Variants in PACRG observed in about 807,000 individuals in gnomAD.
PACRG encodes the protein parkin coregulated gene protein.
A neutral mutation model predicts 29.7 loss-of-function variants in PACRG; 29 were observed. The observed-to-expected ratio is 0.98, with a 90% CI of 0.73 to 1.33. The LOEUF (loss-of-function observed/expected upper bound fraction) is 1.33, where lower values mean the gene tolerates loss of function less well. PACRG is among the 40% of genes most tolerant of loss of function. The pLI is 0.00. For synonymous variants in PACRG, 116 were observed against 118.7 expected (o/e 0.98, Z 0.15); for missense variants, 279 against 316.2 (o/e 0.88, Z 0.89).
chr6:163,104,427 G>C (rs1158057089), intron 4 of PACRG, among the ~76,000 whole-genome samples: 1 of 152,154 alleles, frequency 6.6e-6, no homozygotes, highest in Non-Finnish European at 1.5e-5. Context: ...GAATAGCTCA[G>C]ACTGGGTAAT....
At chr6:163,242,536 C>A (rs886896441) in intron 4 of PACRG, among the ~76,000 whole-genome samples, 2 of 151,986 alleles carry the variant, frequency 1.3e-5, no homozygotes, top group African/African-American at 4.8e-5. Context: ...AATAAAAGAG[C>A]CAAAAAGTGA....
chr6:162,893,838 A>G (rs770870523), intron 2 of PACRG, among the ~76,000 whole-genome samples: 2 of 152,176 alleles, frequency 1.3e-5, no homozygotes, highest in Admixed American at 1.3e-4. Flanking sequence ...TGAAGTAATC[A>G]ATGGTATTGC....
chr6:163,277,502 TACAC>T (rs149681578), intron 4 of PACRG, among the ~76,000 whole-genome samples: 6 of 144,340 alleles, frequency 4.2e-5, no homozygotes, highest in African/African-American at 7.7e-5. Flanking sequence ...TATACACACA[TACAC>T]ACACACACAC....
chr6:162,785,817 C>G (rs1322106708), intron 1 of PACRG, among the ~76,000 whole-genome samples: 1 of 152,158 alleles, frequency 6.6e-6, no homozygotes. Flanking sequence ...TCCTAGCAGG[C>G]CACGGACCAC....
intron 2 of PACRG, among the ~76,000 whole-genome samples, chr6:162,929,347 C>A (rs1461740246): frequency 6.6e-6 from 1 of 151,844 alleles, no homozygotes; most frequent in Non-Finnish European, 1.5e-5. Context: ...ATTTGCATTT[C>A]TCTGATTATA....
rs535727235 is a variant in PACRG at position 163,277,494 on chromosome 6, T to TATATAC, written c.614-37332_614-37331insTATACA. On this transcript the variant is annotated intron_variant, in intron 4 of 4. Transcript: ENST00000366888. Reference sequence around the variant, plus strand: ...GTGTGTGTATGTGTGTATATATATATACACACATACACACACACACACATA... The same window carrying TATATAC: ...GTGTGTGTATGTGTGTATATATATATATATACACACACATACACACACACACACATA... Among the ~76,000 whole-genome samples, 303 of 73,444 alleles carry TATATAC rather than the reference T, an allele frequency of 4.1e-3. 1 individual carries two copies. The highest frequency in any genetic ancestry group is 0.016 in the African/African-American group (265 of 16,226). 48.2% of individuals were successfully genotyped at this position (73,444 alleles called of 152,430 possible). A position where few individuals can be genotyped will look rare whatever the true frequency, so the allele number is the denominator to read the frequency against.
At chr6:162,988,036 G>A (rs576947281) in intron 2 of PACRG, among the ~76,000 whole-genome samples, 52 of 152,286 alleles carry the variant, frequency 3.4e-4, no homozygotes, top group Middle Eastern at 3.4e-3. Flanking sequence ...TTTTGCACCC[G>A]TCTCATGGAA....
chr6:162,879,402 A>G (rs1007498834), intron 2 of PACRG, among the ~76,000 whole-genome samples: 10 of 152,292 alleles, frequency 6.6e-5, no homozygotes, highest in East Asian at 1.9e-4. Context: ...CATTGCCACC[A>G]TGTGATTTTT....
At chr6:162,810,668 G>A (rs1184661423) in intron 1 of PACRG, among the ~76,000 whole-genome samples, 1 of 152,064 alleles carries the variant, frequency 6.6e-6, no homozygotes, top group African/African-American at 2.4e-5. Flanking sequence ...AGCATATTTG[G>A]GCTCAACAGC....
intron 4 of PACRG, among the ~76,000 whole-genome samples, chr6:163,302,158 A>G (rs1043848164): frequency 2.6e-5 from 4 of 151,954 alleles, no homozygotes; most frequent in Admixed American, 6.6e-5. Context: ...TGCAAACCCA[A>G]TTTTGCTGCT....
intron 1 of PACRG, among the ~76,000 whole-genome samples, chr6:162,767,573 T>C (rs897064765): frequency 1.3e-5 from 2 of 151,766 alleles, no homozygotes; most frequent in African/African-American, 4.8e-5. Context: ...GTCTTAAAAA[T>C]AGAAAATAAG....
At chr6:162,910,004 G>A (rs1451565177) in intron 2 of PACRG, among the ~76,000 whole-genome samples, 1 of 152,184 alleles carries the variant, frequency 6.6e-6, no homozygotes, top group Non-Finnish European at 1.5e-5. Flanking sequence ...GTAAGCTTTA[G>A]AGCTAGAATG....
At chr6:162,997,739 A>T (rs1270579670) in intron 2 of PACRG, among the ~76,000 whole-genome samples, 1 of 152,214 alleles carries the variant, frequency 6.6e-6, no homozygotes, top group Non-Finnish European at 1.5e-5. Context: ...CCAATACTTG[A>T]CATTGTCAGA....
intron 2 of PACRG, among the ~76,000 whole-genome samples, chr6:163,033,833 A>G (rs1047475041): frequency 6.6e-6 from 1 of 152,190 alleles, no homozygotes; most frequent in Non-Finnish European, 1.5e-5. Context: ...AGGGACCTGT[A>G]GCAAAGTTTA....
intron 4 of PACRG, among the ~76,000 whole-genome samples, chr6:163,308,799 GC>G (rs1361689249): frequency 6.6e-6 from 1 of 152,162 alleles, no homozygotes; most frequent in Admixed American, 6.5e-5. Flanking sequence ...CCTGAGCCAG[GC>G]CGCCAGGGCT....
chr6:162,909,840 G>C (rs1796187871), intron 2 of PACRG, among the ~76,000 whole-genome samples: 1 of 152,190 alleles, frequency 6.6e-6, no homozygotes, highest in African/African-American at 2.4e-5. Context: ...ACATGATGGG[G>C]ATTGAATGAA....
At chr6:163,021,799 G>A (rs1395751310) in intron 2 of PACRG, among the ~76,000 whole-genome samples, 2 of 152,152 alleles carry the variant, frequency 1.3e-5, no homozygotes, top group African/African-American at 4.8e-5. Flanking sequence ...CCCTGCCTTT[G>A]CCTGGGATGC....
At chr6:163,116,904 G>C (rs1816024707) in intron 4 of PACRG, among the ~76,000 whole-genome samples, 1 of 152,132 alleles carries the variant, frequency 6.6e-6, no homozygotes, top group South Asian at 2.1e-4. Flanking sequence ...TCCTGGACGT[G>C]GTGAGTCGGA....
intron 3 of PACRG, among the ~76,000 whole-genome samples, chr6:163,083,518 G>A (rs1813268444): frequency 6.6e-6 from 1 of 152,152 alleles, no homozygotes; most frequent in East Asian, 1.9e-4. Context: ...AGGACGTCCT[G>A]AGGCTGTGTC....
Sources: allele counts gnomAD v4.1 joint callset (sites outside exome capture counted in the v4.1 genomes callset), GRCh38; gene constraint gnomAD v4.1.1; transcripts MANE v1.5; gene names NCBI Gene and HGNC (gene_info 2026-07-23, HGNC 2026-07-21).